Variants in ZFP36L1 observed in about 807,000 individuals in gnomAD.
ZFP36L1 encodes the protein ZFP36 like 1 zinc finger CCCH-type.
A neutral mutation model predicts 16.7 loss-of-function variants in ZFP36L1; 4 were observed. That is an observed-to-expected ratio of 0.24 (90% CI 0.12 to 0.55). The LOEUF (loss-of-function observed/expected upper bound fraction) is 0.55, where lower values mean the gene tolerates loss of function less well. ZFP36L1 is among the 20% of genes least tolerant of loss of function. The probability of loss-of-function intolerance (pLI) is 0.94; values close to 1 mark genes in which losing one functional copy is unlikely to be tolerated. For missense variants in ZFP36L1, 311 were observed against 449.2 expected, an observed-to-expected ratio of 0.69 and a Z score of 2.78; for synonymous variants, 220 against 190.8, an observed-to-expected ratio of 1.15 and a Z score of -1.26.
At chr14:68,795,594 C>T (rs990796771), upstream of ZFP36L1, among the ~76,000 whole-genome samples, 28 of 152,166 alleles carry the variant, frequency 1.8e-4, no homozygotes, top group African/African-American at 6.8e-4. Context: ...AAAGCTGATT[C>T]CTCGAATTTC....
upstream of ZFP36L1, chr14:68,796,016 G>A (rs1164774864): frequency 1.5e-6 from 2 of 1,323,916 alleles, no homozygotes; most frequent in Non-Finnish European, 2.0e-6. Context: ...CCAACTTCGC[G>A]GTGCATTCCG....
chr14:68,795,990 G>C (rs370855566), upstream of ZFP36L1: 2 of 1,321,632 alleles, frequency 1.5e-6, no homozygotes, highest in African/African-American at 1.5e-5. Context: ...GGCGAGGCGT[G>C]CGTGGCCGTC....
chr14:68,792,713 G>C (rs540007874), intron 1 of ZFP36L1, among the ~76,000 whole-genome samples, 169 bp downstream of exon 1: 1 of 152,210 alleles, frequency 6.6e-6, no homozygotes, highest in Non-Finnish European at 1.5e-5. Flanking sequence ...CAAAGGGTGG[G>C]AAGGACGGGG....
chr14:68,789,763 C>A lies in ZFP36L1; in HGVS notation c.787G>T (p.Ala263Ser), dbSNP rs1199096580. 6 of 1,613,814 alleles carry A rather than the reference C, an allele frequency of 3.7e-6. No homozygotes were observed. Among genetic ancestry groups the A allele is most frequent in the East Asian group, 2.2e-5 (1 of 44,832 alleles). ...FSSQELASLF[A>S]PSMGLPGGGS... ...CCCCCGGGCAGCCCCATGCTAGGGG[C>A]AAAGAGGCTTGCCAGCTCCTGGCTG... The change falls in exon 2 of 2, where the codon GCC (alanine) becomes TCC (serine). Residue 263 changes from alanine to serine, a missense_variant. Ala to Ser is a moderately conservative substitution (Grantham distance 99). Coordinates refer to ENST00000439696, the MANE Select transcript of ZFP36L1 (RefSeq NM_004926.4). This position sits in a 1 kb window ranked among gnomAD's most constrained non-coding sequence, Gnocchi z 4.5.
In ZFP36L1 at chr14:68,793,001, A is replaced by G; in HGVS notation, c.-63T>C. On this transcript the variant is annotated 5_prime_UTR_variant, in exon 1 of 2. Transcript: ENST00000439696. ...GTGTCGCGAAGGTCCCGGTGCGGGGAAGGCGCAGCCTCTCCTGTCTGGAGT... is the reference window on the plus strand; with the variant it reads ...GTGTCGCGAAGGTCCCGGTGCGGGGGAGGCGCAGCCTCTCCTGTCTGGAGT... 6.2e-7 allele frequency: 1 copy of G among 1,609,470 alleles called. No homozygotes were observed. The highest frequency in any genetic ancestry group is 2.2e-5 in the East Asian group (1 of 44,788).
In ZFP36L1 at chr14:68,789,367, T is replaced by G; in HGVS notation, c.*166A>C. The G allele has an allele frequency of 5.1e-6, 5 of 974,332 alleles. No homozygotes were observed. The highest frequency in any genetic ancestry group is 1.7e-5 in the African/African-American group (1 of 60,388). 60.4% of individuals were successfully genotyped at this position (974,332 alleles called of 1,614,324 possible). The stretch of plus-strand genomic sequence containing the variant: ...CTTGTCCTTATGTTAGGTGGGGTTA[T>G]GAGGGGGAGAGGGAGGGCACATTCT... On this transcript the variant is annotated 3_prime_UTR_variant, in exon 2 of 2. Coordinates refer to ENST00000439696, the MANE Select transcript of ZFP36L1 (RefSeq NM_004926.4). This position sits in a 1 kb window ranked among gnomAD's most constrained non-coding sequence, Gnocchi z 4.5.
chr14:68,790,970 C>A (rs1281205899), intron 1 of ZFP36L1: 2 of 685,338 alleles, frequency 2.9e-6, no homozygotes, highest in Non-Finnish European at 5.3e-6. Flanking sequence ...ATTGATACCC[C>A]CTCCTTCAAG....
upstream of ZFP36L1, chr14:68,793,912 C>T: frequency 1.0e-6 from 1 of 976,934 alleles, no homozygotes. Flanking sequence ...AGCCGGCGCT[C>T]TCCGGGTGTG....
At chr14:68,795,356 C>A (rs1271376093), upstream of ZFP36L1, among the ~76,000 whole-genome samples, 1 of 146,848 alleles carries the variant, frequency 6.8e-6, no homozygotes, top group African/African-American at 2.5e-5. Flanking sequence ...CTTTAACTCC[C>A]GAGGGTTCGC....
In ZFP36L1 at chr14:68,789,349, TTA is replaced by T. The variant is rs1895001339; in HGVS notation, c.*182_*183del. 1.2e-6 allele frequency: 1 copy of T among 825,866 alleles called. No individual in the cohort carries two copies. The highest frequency in any genetic ancestry group is 1.8e-6 in the Non-Finnish European group (1 of 548,500). 51.2% of individuals were successfully genotyped at this position (825,866 alleles called of 1,614,324 possible). ...AAGCTACTGACAAATTGACTTGTCC[TTA>T]TGTTAGGTGGGGTTATGAGGGGGAG... On this transcript the variant is annotated 3_prime_UTR_variant, in exon 2 of 2. Transcript: ENST00000439696. This position sits in a 1 kb window ranked among gnomAD's most constrained non-coding sequence, Gnocchi z 4.5.
chr14:68,790,559 C>T (rs531963284), intron 1 of ZFP36L1, 67 bp from the exon 2 acceptor site: 2 of 1,585,760 alleles, frequency 1.3e-6, no homozygotes, highest in East Asian at 2.3e-5. Context: ...TATGGGCAGC[C>T]CCCTACACAA....
At chr14:68,793,155 G>A, upstream of ZFP36L1, 1 of 1,223,004 alleles carries the variant, frequency 8.2e-7, no homozygotes, top group South Asian at 1.5e-5. Context: ...AAATGAGGAA[G>A]AGGAGGAAAA....
At chr14:68,795,736 C>T, upstream of ZFP36L1, 2 of 524,500 alleles carry the variant, frequency 3.8e-6, no homozygotes, top group South Asian at 2.8e-5. Flanking sequence ...GGGTTTGTTC[C>T]AGCTCCCAGA....
chr14:68,792,560 T>G (rs1473117544), intron 1 of ZFP36L1, among the ~76,000 whole-genome samples: 3 of 152,160 alleles, frequency 2.0e-5, no homozygotes, highest in Admixed American at 1.3e-4. Flanking sequence ...AGCAGCACGT[T>G]ACGTAAAACA....
chr14:68,794,106 C>G, upstream of ZFP36L1: 1 of 232,596 alleles, frequency 4.3e-6, no homozygotes, highest in South Asian at 1.6e-4. Context: ...CTACTTTCCA[C>G]GCGCGCTCCG....
At chr14:68,791,233 C>G (rs1052739214) in intron 1 of ZFP36L1, 3 of 561,390 alleles carry the variant, frequency 5.3e-6, no homozygotes, top group African/African-American at 1.9e-5. Flanking sequence ...TGAGAAGATG[C>G]CTTTGCAATT....
At position 68,788,593 on chromosome 14, in the gene ZFP36L1, T is replaced by TA. The variant is rs1894974259; in HGVS notation, c.*939_*940insT. The TA allele has an allele frequency of 7.0e-6, 1 of 143,434 alleles. No individual in the cohort carries two copies. Among genetic ancestry groups the TA allele is most frequent in the Non-Finnish European group, 1.5e-5 (1 of 64,942 alleles). The allele number at this position is 143,434 out of a possible 1,614,324, so 8.9% of individuals were successfully genotyped here. ...ATACCATTAACTGCTCACCCCTTACTTTTTTTTTTTTAGCTTTTCTCTCAT... is the reference window on the plus strand; with the variant it reads ...ATACCATTAACTGCTCACCCCTTACTATTTTTTTTTTTAGCTTTTCTCTCAT... On this transcript the variant is annotated 3_prime_UTR_variant, in exon 2 of 2. Coordinates refer to ENST00000439696, the MANE Select transcript of ZFP36L1 (RefSeq NM_004926.4).
chr14:68,793,077 C>G (rs772363731), upstream of ZFP36L1: 21 of 1,568,586 alleles, frequency 1.3e-5, no homozygotes, highest in Non-Finnish European at 1.7e-5. Flanking sequence ...CGGGCTGGGG[C>G]GCGCAAAGCC....
chr14:68,791,802 T>C (rs1309583829), intron 1 of ZFP36L1, among the ~76,000 whole-genome samples: 1 of 152,294 alleles, frequency 6.6e-6, no homozygotes, highest in Admixed American at 6.5e-5. Context: ...AAATTCAAAC[T>C]TTTTAAATGC....
Sources: allele counts gnomAD v4.1 joint callset (sites outside exome capture counted in the v4.1 genomes callset), GRCh38; gene constraint gnomAD v4.1.1; non-coding constraint Gnocchi (gnomAD v3.1); transcripts MANE v1.5; gene names NCBI Gene and HGNC (gene_info 2026-07-23, HGNC 2026-07-21).